The following PYGB variants were observed in gnomAD, a reference collection of about 807,000 sequenced individuals.
The protein encoded by PYGB is glycogen phosphorylase B, also known as glycogen phosphorylase, brain form.
A neutral mutation model predicts 94.3 loss-of-function variants in PYGB; 82 were observed. That is an observed-to-expected ratio of 0.87 (90% CI 0.73 to 1.04). The LOEUF is 1.04. PYGB is among the 50% of genes least tolerant of loss of function. The pLI, the probability that PYGB is intolerant of heterozygous loss-of-function variation, is 0.00. For synonymous variants in PYGB, 488 were observed against 479.1 expected (o/e 1.02, Z -0.24); for missense variants, 1,132 against 1,158.2 (o/e 0.98, Z 0.33).
At chr20:25,294,123 C>T (rs200966010) in intron 17 of PYGB, 35 bp from the exon 18 acceptor site, 55 of 1,607,648 alleles carry the variant, frequency 3.4e-5, no homozygotes, top group Admixed American at 5.0e-5. Context: ...CCACCTGGGG[C>T]GCTGGCTGCT....
chr20:25,280,989 G>A lies in PYGB; in HGVS notation c.1280G>A (p.Arg427His), dbSNP rs202185585. ...ALFPGDVDRLRRMSVIEEGDC... is the reference protein window; with the variant it reads ...ALFPGDVDRLHRMSVIEEGDC... ...TTTCCCGGCGATGTGGACCGCCTGC[G>A]CAGGATGTCTGTGATCGAGGAGGGG... The change falls in exon 11 of 20, where the codon CGC becomes CAC. Residue 427 changes from arginine to histidine, a missense_variant. Arg to His is a conservative substitution (Grantham distance 29). Transcript: ENST00000216962. 1.4e-5 allele frequency: 22 copies of A among 1,614,038 alleles called. No individual in the cohort carries two copies. The highest frequency in any genetic ancestry group is 1.1e-5 in the South Asian group (1 of 91,084).
intron 1 of PYGB, among the ~76,000 whole-genome samples, chr20:25,253,552 T>C (rs1214191846): frequency 6.6e-6 from 1 of 151,900 alleles, no homozygotes; most frequent in Non-Finnish European, 1.5e-5. Flanking sequence ...TTCGGGAGGC[T>C]GAGACAGGAG....
At chr20:25,296,304 A>G (rs910281928) in intron 19 of PYGB, 66 bp from the exon 20 acceptor site, 17 of 1,579,096 alleles carry the variant, frequency 1.1e-5, no homozygotes, top group Admixed American at 3.3e-5. Flanking sequence ...AAGTTCTGGA[A>G]TCCCATGTTT....
intron 13 of PYGB, 83 bp downstream of exon 13, chr20:25,283,360 C>G (rs2088387026): frequency 1.6e-6 from 2 of 1,227,150 alleles, no homozygotes; most frequent in East Asian, 5.0e-5. Flanking sequence ...CTCCTACAGG[C>G]CCAGCACAGG....
At chr20:25,272,986 G>T (rs1049552358) in intron 4 of PYGB, among the ~76,000 whole-genome samples, 1 of 152,242 alleles carries the variant, frequency 6.6e-6, no homozygotes, top group African/African-American at 2.4e-5. Context: ...TTGCAACTTT[G>T]TGTGATAGTT....
Position 25,288,425 on chromosome 20 carries a change from G to C in PYGB, c.1769G>C (p.Arg590Pro), listed in dbSNP as rs140645272. Residue 590 changes from arginine to proline, a missense_variant and splice_region_variant, in exon 15 of 20, where the codon CGA becomes CCA. By Grantham distance (103) the Arg-to-Pro change is moderately radical (BLOSUM62 -2). Coordinates refer to ENST00000216962, the MANE Select transcript of PYGB (RefSeq NM_002862.4). Reference sequence around the variant, plus strand: ...TGAGTCTCTTCCGTGTGTCCTGCAGGAATCAAGAGAGACCCGGCCAAGGCT... The same window carrying C: ...TGAGTCTCTTCCGTGTGTCCTGCAGCAATCAAGAGAGACCCGGCCAAGGCT... ...NCLHVVTLYN[R>P]IKRDPAKAFV... is the part of the protein sequence containing the mutation. The C allele has an allele frequency of 3.7e-4, 591 of 1,614,194 alleles. 1 individual carries two copies. Among genetic ancestry groups the C allele is most frequent in the Non-Finnish European group, 4.8e-4 (561 of 1,180,028 alleles).
At chr20:25,295,977 G>A (rs2088536650) in intron 19 of PYGB, among the ~76,000 whole-genome samples, 1 of 152,218 alleles carries the variant, frequency 6.6e-6, no homozygotes, top group African/African-American at 2.4e-5. Context: ...CTCGAGGAAA[G>A]GCTGGCCTGG....
In PYGB at chr20:25,292,418, C is replaced by T. The variant is rs746073268; in HGVS notation, c.1982C>T (p.Ala661Val). The T allele has an allele frequency of 2.5e-6, 4 of 1,613,170 alleles. No homozygotes were observed. In the South Asian group the frequency reaches 4.4e-5, roughly 18 times the overall value. ...CTCCCCTCCACAGTGATCCCGGCCG[C>T]TGATCTGTCGCAGCAGATCTCCACT... is the stretch of plus-strand genomic sequence containing the variant. Reference protein sequence around the residue: ...VSLAEKVIPAADLSQQISTAG... With the variant: ...VSLAEKVIPAVDLSQQISTAG... Residue 661 changes from alanine to valine, a missense_variant, in exon 17 of 20, where the codon GCT becomes GTT. By Grantham distance (64) the Ala-to-Val change is moderately conservative. Transcript: ENST00000216962.
intron 1 of PYGB, among the ~76,000 whole-genome samples, chr20:25,249,833 T>A (rs554245342): frequency 2.0e-5 from 3 of 151,356 alleles, no homozygotes; most frequent in African/African-American, 4.9e-5. Context: ...GTTGGGAGAG[T>A]TCTGATGCAC....
chr20:25,279,005 G>T (rs2123568113), intron 8 of PYGB, 52 bp from the exon 9 acceptor site: 1 of 1,547,768 alleles, frequency 6.5e-7, no homozygotes, highest in Admixed American at 1.8e-5. Context: ...AACAACCGTG[G>T]GTGCCCACGT....
At chr20:25,263,478 C>A (rs898564113) in intron 2 of PYGB, among the ~76,000 whole-genome samples, 3 of 151,976 alleles carry the variant, frequency 2.0e-5, no homozygotes, top group Non-Finnish European at 1.5e-5. Context: ...TTAAAAAAAT[C>A]GAAGACTCCA....
At chr20:25,249,629 T>G (rs1345076987) in intron 1 of PYGB, among the ~76,000 whole-genome samples, 1 of 152,260 alleles carries the variant, frequency 6.6e-6, no homozygotes, top group Non-Finnish European at 1.5e-5. Context: ...AAACTTATTC[T>G]GGGACATTCT....
At chr20:25,257,569 C>T (rs184351040) in intron 1 of PYGB, among the ~76,000 whole-genome samples, 128 of 152,262 alleles carry the variant, frequency 8.4e-4, no homozygotes, top group Admixed American at 3.7e-3. Context: ...TGGCATGCAC[C>T]TGTAGTGCCA....
intron 12 of PYGB, 100 bp downstream of exon 12, chr20:25,282,247 T>G (rs1600735976): frequency 1.0e-6 from 1 of 973,766 alleles, no homozygotes; most frequent in South Asian, 1.6e-5. Flanking sequence ...TAGGCAGGAG[T>G]CTGTCCCTCA....
chr20:25,290,394 C>T (rs1360514830), intron 15 of PYGB, 87 bp from the exon 16 acceptor site: 71 of 1,515,536 alleles, frequency 4.7e-5, no homozygotes, highest in South Asian at 1.7e-4. Context: ...CTAGCCTCAC[C>T]CCCCTACAGA....
intron 16 of PYGB, among the ~76,000 whole-genome samples, chr20:25,290,873 C>T (rs988656411): frequency 6.6e-6 from 1 of 152,176 alleles, no homozygotes; most frequent in Admixed American, 6.5e-5. Context: ...ACCCTTACTG[C>T]CGCGCCTGCC....
chr20:25,260,858 C>G (rs896463937), intron 2 of PYGB, among the ~76,000 whole-genome samples: 1 of 152,238 alleles, frequency 6.6e-6, no homozygotes, highest in Non-Finnish European at 1.5e-5. Context: ...GAGGGTCCCA[C>G]GCCCACGGAG....
Position 25,283,041 on chromosome 20 carries a change from T to C in PYGB, c.1519-135T>C, listed in dbSNP as rs550888584. 596 of 702,970 alleles carry C rather than the reference T, an allele frequency of 8.5e-4. 5 individuals carry two copies. Among genetic ancestry groups the C allele is most frequent in the Non-Finnish European group, 2.5e-4 (102 of 415,224 alleles). The allele number at this position is 702,970 out of a possible 1,614,324, so 43.5% of individuals were successfully genotyped here. The stretch of plus-strand genomic sequence containing the variant: ...TAACCCTGTGGCCTGAGAGGTGGGA[T>C]GCCCGGAGGGGCCGGACAAGCAGAT... On this transcript the variant is annotated intron_variant, in intron 12 of 19. Transcript: ENST00000216962.
intron 4 of PYGB, 40 bp from the exon 5 acceptor site, chr20:25,274,552 A>G (rs776621382): frequency 6.2e-7 from 1 of 1,602,656 alleles, no homozygotes; most frequent in Non-Finnish European, 8.5e-7. Context: ...GGCCTGGGAC[A>G]TCTGCGCTGA....
Sources: gnomAD v4.1 joint callset for allele counts (sites outside exome capture counted in the v4.1 genomes callset) on GRCh38, gnomAD v4.1.1 for gene constraint, MANE v1.5 for transcripts, NCBI Gene and HGNC (gene_info 2026-07-23, HGNC 2026-07-21) for gene names.